The following CHST9 variants were observed in gnomAD, a reference collection of about 807,000 sequenced individuals.
The protein encoded by CHST9 is GalNAc-4-sulfotransferase 2.
CHST9 carries 41 observed loss-of-function variants against 44.4 expected under a neutral mutation model. That is an observed-to-expected ratio of 0.92 (90% CI 0.72 to 1.20). The LOEUF is 1.20. Among genes scored for constraint, CHST9 ranks in the 50% most tolerant of loss-of-function variants. CHST9 has a pLI of 0.00. For synonymous variants in CHST9, 171 were observed against 178.4 expected (o/e 0.96, Z 0.33); for missense variants, 504 against 516.5 (o/e 0.98, Z 0.23).
intron 4 of CHST9, among the ~76,000 whole-genome samples, chr18:26,993,938 T>TG (rs1357953670): frequency 1.3e-5 from 2 of 152,242 alleles, no homozygotes; most frequent in African/African-American, 4.8e-5. Flanking sequence ...CGTTTCATTC[T>TG]GGGGCCTCTC....
chr18:27,140,219 C>T (rs1275304503), intron 2 of CHST9, among the ~76,000 whole-genome samples: 3 of 152,192 alleles, frequency 2.0e-5, no homozygotes, highest in Non-Finnish European at 4.4e-5. Context: ...AGGCTTTCCC[C>T]TCTGCAACAA....
chr18:27,040,320 T>C lies in CHST9; in HGVS notation c.160+8145A>G, dbSNP rs77275583. On this transcript the variant is annotated intron_variant, in intron 3 of 5. Transcript: ENST00000618847. ...TAAATGGTCCAAATGGAAGCCAAGA[T>C]ACTGGATCACGTCTAAGAAAATTTA... Among the ~76,000 whole-genome samples the C allele has an allele frequency of 9.5e-3, 1,451 of 152,280 alleles. 23 individuals are homozygous for C. The highest frequency in any genetic ancestry group is 0.027 in the African/African-American group (1,143 of 41,570).
chr18:27,016,179 A>G (rs2057151765), intron 4 of CHST9, among the ~76,000 whole-genome samples: 1 of 152,226 alleles, frequency 6.6e-6, no homozygotes, highest in African/African-American at 2.4e-5. Context: ...TTCTTTTGTA[A>G]GGAGTGTGGC....
rs1322024469 is a variant in CHST9, at chr18:27,142,676, G to A, written c.121+13C>T. ...TGTTACAATTAAAATAGAAGAAAAA[G>A]CACATGTGTTACCTGTATGTTGTTC... is the stretch of plus-strand genomic sequence containing the variant. On this transcript the variant is annotated intron_variant, in intron 2 of 5. Transcript: ENST00000618847. 2 of 1,556,052 alleles carry A rather than the reference G, an allele frequency of 1.3e-6. No individual in the cohort carries two copies. Among genetic ancestry groups the A allele is most frequent in the Non-Finnish European group, 1.7e-6 (2 of 1,154,832 alleles).
rs796360651 is a variant in CHST9, at chr18:27,032,394, T to C, written c.161-8237A>G. On this transcript the variant is annotated intron_variant, in intron 3 of 5. Transcript: ENST00000618847. Reference sequence around the variant, plus strand: ...ACAAAAGTGCTGACTGCATATTTCATAGATCAGAAAAAGAGTAATACTACT... The same window carrying C: ...ACAAAAGTGCTGACTGCATATTTCACAGATCAGAAAAAGAGTAATACTACT... Among the ~76,000 whole-genome samples, 21 of 152,326 alleles carry C rather than the reference T, an allele frequency of 1.4e-4. 1 individual carries two copies. The highest frequency in any genetic ancestry group is 4.8e-4 in the African/African-American group (20 of 41,574).
At chr18:27,149,588 A>G (rs969791591) in intron 1 of CHST9, among the ~76,000 whole-genome samples, 1 of 137,190 alleles carries the variant, frequency 7.3e-6, no homozygotes, top group African/African-American at 2.7e-5. Flanking sequence ...GTCTGTACAA[A>G]CTATTTTCAG....
Position 26,916,648 on chromosome 18 carries a change from G to T in CHST9, c.943C>A (p.Pro315Thr). ...FGKAIIKKYR[P>T]NACEEALING... Reference sequence around the variant, plus strand: ...ATTAATGCTTCTTCACAGGCATTTGGTCGATATTTCTTGATAATTGCCTTT... The same window carrying T: ...ATTAATGCTTCTTCACAGGCATTTGTTCGATATTTCTTGATAATTGCCTTT... Residue 315 changes from proline (P) to threonine (T), a missense_variant, in exon 6 of 6, where the codon CCA becomes ACA. Physicochemically the swap from Pro to Thr is conservative, Grantham distance 38. Coordinates refer to ENST00000618847, the MANE Select transcript of CHST9 (RefSeq NM_031422.6). 4.3e-6 allele frequency: 7 copies of T among 1,613,852 alleles called. No homozygotes were observed. Among genetic ancestry groups the T allele is most frequent in the Non-Finnish European group, 5.9e-6 (7 of 1,179,800 alleles).
intron 4 of CHST9, among the ~76,000 whole-genome samples, chr18:27,009,481 T>A (rs576379278): frequency 6.6e-6 from 1 of 152,342 alleles, no homozygotes; most frequent in East Asian, 1.9e-4. Flanking sequence ...TTTGGACTAA[T>A]GGAATTTGCC....
intron 1 of CHST9, among the ~76,000 whole-genome samples, chr18:27,162,069 C>T (rs1357639960): frequency 1.3e-5 from 2 of 152,116 alleles, no homozygotes; most frequent in East Asian, 1.9e-4. Context: ...TCCAATTTGC[C>T]AGTCTGTGTC....
intron 4 of CHST9, among the ~76,000 whole-genome samples, chr18:27,013,107 T>C (rs2145249728): frequency 6.6e-6 from 1 of 152,304 alleles, no homozygotes; most frequent in African/African-American, 2.4e-5. Flanking sequence ...ACTCTGTCAT[T>C]TATGAAATAA....
intron 2 of CHST9, among the ~76,000 whole-genome samples, chr18:27,086,071 T>C (rs1353239460): frequency 6.6e-6 from 1 of 151,974 alleles, no homozygotes; most frequent in Non-Finnish European, 1.5e-5. Flanking sequence ...AAACACTGAG[T>C]ACACATAGAC....
chr18:27,154,547 A>G (rs1008341744), intron 1 of CHST9, among the ~76,000 whole-genome samples: 2 of 152,174 alleles, frequency 1.3e-5, no homozygotes, highest in African/African-American at 4.8e-5. Flanking sequence ...GACTGAAAAT[A>G]AAGAAGACCA....
At chr18:27,054,338 T>C (rs1045963358) in intron 2 of CHST9, among the ~76,000 whole-genome samples, 1 of 152,226 alleles carries the variant, frequency 6.6e-6, no homozygotes, top group African/African-American at 2.4e-5. Flanking sequence ...TTATCACAGA[T>C]TCTAGTTTAA....
At chr18:26,921,419 G>A (rs12965283) in intron 5 of CHST9, among the ~76,000 whole-genome samples, 21,588 of 152,048 alleles carry the variant, frequency 0.14, 1,754 homozygotes, top group East Asian at 0.22. Flanking sequence ...TGAGATATGG[G>A]AAAAGGGTTA....
At chr18:26,932,465 T>TA (rs35024222) in intron 5 of CHST9, among the ~76,000 whole-genome samples, 1 of 152,092 alleles carries the variant, frequency 6.6e-6, no homozygotes. Context: ...AAATTTATTT[T>TA]AAATCTTGGC....
intron 2 of CHST9, among the ~76,000 whole-genome samples, chr18:27,128,315 G>A (rs2143828339): frequency 6.6e-6 from 1 of 152,240 alleles, no homozygotes; most frequent in African/African-American, 2.4e-5. Flanking sequence ...TGTCGCCCAG[G>A]CTGGACTGCA....
At chr18:27,057,312 G>T (rs1335795963) in intron 2 of CHST9, among the ~76,000 whole-genome samples, 1 of 152,142 alleles carries the variant, frequency 6.6e-6, no homozygotes, top group Non-Finnish European at 1.5e-5. Flanking sequence ...AGTTTAACTG[G>T]GCCAATTTGA....
chr18:27,180,743 G>A (rs1391656873), intron 1 of CHST9, among the ~76,000 whole-genome samples: 3 of 152,040 alleles, frequency 2.0e-5, no homozygotes, highest in African/African-American at 4.8e-5. Flanking sequence ...GTAAAATGAG[G>A]ACACAGGAAT....
At chr18:26,986,986 G>C (rs1256346840) in intron 4 of CHST9, among the ~76,000 whole-genome samples, 2 of 152,176 alleles carry the variant, frequency 1.3e-5, no homozygotes, top group African/African-American at 2.4e-5. Context: ...AAAGCAACAG[G>C]ATTATTAGCC....
Sources: allele counts gnomAD v4.1 joint callset (sites outside exome capture counted in the v4.1 genomes callset), GRCh38; gene constraint gnomAD v4.1.1; transcripts MANE v1.5; gene names NCBI Gene and HGNC (gene_info 2026-07-23, HGNC 2026-07-21).